Variants in STRA8 observed in about 807,000 individuals in gnomAD.
STRA8 encodes the protein stimulated by retinoic acid gene 8 protein homolog.
A neutral mutation model predicts 37.1 loss-of-function variants in STRA8; 18 were observed. The ratio of observed to expected loss-of-function variants is 0.48; its 90% confidence interval spans 0.34 to 0.72. The LOEUF (loss-of-function observed/expected upper bound fraction) is 0.72, where lower values mean the gene tolerates loss of function less well. Among genes scored for constraint, STRA8 ranks in the 30% least tolerant of loss-of-function variants. The probability of loss-of-function intolerance (pLI) is 0.01; values close to 1 mark genes in which losing one functional copy is unlikely to be tolerated. For synonymous variants in STRA8, 168 were observed against 162.9 expected, an observed-to-expected ratio of 1.03 and a Z score of -0.24; for missense variants, 357 against 410.4, an observed-to-expected ratio of 0.87 and a Z score of 1.13.
intron 1 of STRA8, among the ~76,000 whole-genome samples, chr7:135,237,150 G>A (rs1832389770): frequency 6.6e-6 from 1 of 152,182 alleles, no homozygotes; most frequent in Admixed American, 6.5e-5. Flanking sequence ...AAGGGGCAGT[G>A]GGTCATGGAA....
rs1832566590 is a variant in STRA8, at chr7:135,246,849, T to C, written c.879+147T>C. ...TCGGTTTCTGATTTTCTTTTTTCTC[T>C]TTTTTTTTTTTTTGAGACGGAGTCT... is the stretch of plus-strand genomic sequence containing the variant. On this transcript the variant is annotated intron_variant, in intron 6 of 8. Transcript: ENST00000662584. The surrounding 1 kb of genome is among the most constrained non-coding windows in gnomAD (Gnocchi z 5.4). 4.9e-5 allele frequency: 4 copies of C among 81,010 alleles called. No individual in the cohort carries two copies. Among genetic ancestry groups the C allele is most frequent in the Non-Finnish European group, 8.3e-5 (4 of 48,372 alleles). The allele number at this position is 81,010 out of a possible 1,614,324, so 5.0% of individuals were successfully genotyped here.
chr7:135,244,304 T>C (rs1832513225), intron 4 of STRA8, among the ~76,000 whole-genome samples: 1 of 152,232 alleles, frequency 6.6e-6, no homozygotes, highest in South Asian at 2.1e-4. Flanking sequence ...GGTATCTACC[T>C]GCCTTGGCCT....
chr7:135,237,768 T>G (rs550780095), intron 1 of STRA8, among the ~76,000 whole-genome samples: 2 of 152,046 alleles, frequency 1.3e-5, no homozygotes, highest in East Asian at 3.9e-4. Flanking sequence ...GGTGGGCGCC[T>G]GTAATCCCAG....
chr7:135,258,388 A>C, intron 8 of STRA8, 30 bp from the exon 9 acceptor site: 1 of 1,574,228 alleles, frequency 6.4e-7, no homozygotes, highest in Non-Finnish European at 8.6e-7. Context: ...ACAGATAAAA[A>C]GTGACCCTCT....
chr7:135,246,616 G>C lies in STRA8; in HGVS notation c.793G>C (p.Glu265Gln). 1 of 1,541,418 alleles carries C rather than the reference G, an allele frequency of 6.5e-7. No individual in the cohort carries two copies. The highest frequency in any genetic ancestry group is 8.7e-7 in the Non-Finnish European group (1 of 1,146,098). Residue 265 changes from glutamate to glutamine, a missense_variant, in exon 6 of 9, where the codon GAG (glutamate) becomes CAG (glutamine). Coordinates refer to ENST00000662584, the MANE Select transcript of STRA8 (RefSeq NM_001394401.1). The surrounding 1 kb of genome is among the most constrained non-coding windows in gnomAD (Gnocchi z 5.4). ...GPATLAEACR[E>Q]PACAEGSVKD... The stretch of plus-strand genomic sequence containing the variant: ...TGCGACCCTGGCGGAGGCCTGCCGA[G>C]AGCCGGCCTGTGCCGAGGGCAGCGT...
chr7:135,242,694 T>C, intron 2 of STRA8, 87 bp from the exon 3 acceptor site: 1 of 1,300,960 alleles, frequency 7.7e-7, no homozygotes, highest in African/African-American at 1.5e-5. Flanking sequence ...GAGCGTGGCC[T>C]CAGCCCTGGG....
intron 6 of STRA8, among the ~76,000 whole-genome samples, chr7:135,249,584 C>T (rs1223937411): frequency 6.6e-6 from 1 of 151,862 alleles, no homozygotes; most frequent in Non-Finnish European, 1.5e-5. Context: ...AACTCTGTCT[C>T]AAAAAAGAAA....
rs769048364 is a variant in STRA8 at position 135,246,559 on chromosome 7, CGGCAGGCCT to C, written c.739_747del (p.Gln247_Trp249del). ...CTCGGAGGAGAGGAAGGCCAGCCTC[CGGCAGGCCT>C]GGGCGCAGAAGCACCGCGGCCCTGC... On this transcript the variant is annotated inframe_deletion, in exon 6 of 9. Transcript: ENST00000662584. This position sits in a 1 kb window ranked among gnomAD's most constrained non-coding sequence, Gnocchi z 5.4. The C allele has an allele frequency of 3.8e-6, 6 of 1,563,770 alleles. No individual in the cohort carries two copies. Among genetic ancestry groups the C allele is most frequent in the Non-Finnish European group, 4.3e-6 (5 of 1,155,004 alleles).
chr7:135,245,260 G>A (rs774640253), intron 4 of STRA8, 28 bp from the exon 5 acceptor site: 2 of 780,794 alleles, frequency 2.6e-6, no homozygotes, highest in African/African-American at 1.7e-5. Flanking sequence ...TTAATCTATA[G>A]TTGTCTTGTT....
At chr7:135,235,811 C>T (rs757411986) in intron 1 of STRA8, among the ~76,000 whole-genome samples, 4 of 152,026 alleles carry the variant, frequency 2.6e-5, no homozygotes, top group Non-Finnish European at 5.9e-5. Context: ...CTCCTTTATG[C>T]AGATAAAGAA....
At chr7:135,253,770 G>C (rs1029720878) in intron 7 of STRA8, among the ~76,000 whole-genome samples, 3 of 152,328 alleles carry the variant, frequency 2.0e-5, no homozygotes, top group Non-Finnish European at 4.4e-5. Flanking sequence ...TGAAGGCACA[G>C]GTTCTTCAGA....
At chr7:135,252,020 G>GTGTGTGTA in intron 7 of STRA8, 151 bp downstream of exon 7, 2 of 674,532 alleles carry the variant, frequency 3.0e-6, no homozygotes, top group Non-Finnish European at 5.3e-6. Flanking sequence ...GAGAGTGTGT[G>GTGTGTGTA]TGTGTGTGTG....
intron 4 of STRA8, among the ~76,000 whole-genome samples, chr7:135,244,265 C>T (rs1247000054): frequency 1.3e-5 from 2 of 152,148 alleles, no homozygotes; most frequent in African/African-American, 4.8e-5. Context: ...CAACATGTTG[C>T]CCAAGCTGGT....
At chr7:135,253,707 T>C (rs1231044821) in intron 7 of STRA8, among the ~76,000 whole-genome samples, 1 of 152,222 alleles carries the variant, frequency 6.6e-6, no homozygotes, top group African/African-American at 2.4e-5. Flanking sequence ...AGAAATCCTT[T>C]AGGACTGAAA....
At chr7:135,244,957 C>A (rs559406876) in intron 4 of STRA8, among the ~76,000 whole-genome samples, 1 of 152,128 alleles carries the variant, frequency 6.6e-6, no homozygotes, top group Non-Finnish European at 1.5e-5. Flanking sequence ...TTTGGAGATA[C>A]CCTTTATCAG....
chr7:135,252,623 C>T (rs1331500636), intron 7 of STRA8, among the ~76,000 whole-genome samples: 1 of 152,154 alleles, frequency 6.6e-6, no homozygotes, highest in Non-Finnish European at 1.5e-5. Flanking sequence ...AGGGCTGGGA[C>T]ATACCAGGTT....
intron 6 of STRA8, among the ~76,000 whole-genome samples, chr7:135,250,237 C>G (rs1832618051): frequency 6.6e-6 from 1 of 152,246 alleles, no homozygotes; most frequent in South Asian, 2.1e-4. Flanking sequence ...GGTCTGGGGT[C>G]CCCTCTCAGG....
At chr7:135,248,576 G>T (rs977771322) in intron 6 of STRA8, among the ~76,000 whole-genome samples, 1 of 152,254 alleles carries the variant, frequency 6.6e-6, no homozygotes, top group East Asian at 1.9e-4. Flanking sequence ...AAGGTGTGGT[G>T]GTGGTACACC....
At chr7:135,255,351 C>A (rs963515145) in intron 8 of STRA8, 126 bp downstream of exon 8, 14 of 655,682 alleles carry the variant, frequency 2.1e-5, no homozygotes, top group Middle Eastern at 3.8e-4. Context: ...GGCAGGGACA[C>A]TCTCCATTCT....
Sources: gnomAD v4.1 joint callset for allele counts (sites outside exome capture counted in the v4.1 genomes callset) on GRCh38, gnomAD v4.1.1 for gene constraint, Gnocchi (gnomAD v3.1) non-coding constraint, MANE v1.5 for transcripts, NCBI Gene and HGNC (gene_info 2026-07-23, HGNC 2026-07-21) for gene names.